Variants in PRKN observed in about 807,000 individuals in gnomAD.
The protein encoded by PRKN is parkin RBR E3 ubiquitin protein ligase.
In PRKN, 56 loss-of-function variants were observed where a neutral mutation model predicts 59.5. The ratio of observed to expected loss-of-function variants is 0.94; its 90% confidence interval spans 0.76 to 1.18. The LOEUF (loss-of-function observed/expected upper bound fraction) is 1.18. PRKN is among the 50% of genes most tolerant of loss of function. The pLI is 0.00. For synonymous variants in PRKN, 250 were observed against 222.1 expected (o/e 1.13, Z -1.12); for missense variants, 657 against 596.4 (o/e 1.10, Z -1.06).
In PRKN at chr6:162,111,535, C is replaced by T. The variant is rs144526800; in HGVS notation, c.535-57361G>A. On this transcript the variant is annotated intron_variant, in intron 4 of 11. Coordinates refer to ENST00000366898, the MANE Select transcript of PRKN (RefSeq NM_004562.3). Reference sequence around the variant, plus strand: ...ACACACGCACACACGGACGTGCACACTCACATACATACACACATGTATCAT... The same window carrying T: ...ACACACGCACACACGGACGTGCACATTCACATACATACACACATGTATCAT... Among the ~76,000 whole-genome samples, 1,291 of 152,254 alleles carry T rather than the reference C, an allele frequency of 8.5e-3. 17 individuals are homozygous for T. Among genetic ancestry groups the T allele is most frequent in the African/African-American group, 0.03 (1,244 of 41,546 alleles).
chr6:162,637,529 G>A (rs994788946), intron 1 of PRKN, among the ~76,000 whole-genome samples: 1 of 152,092 alleles, frequency 6.6e-6, no homozygotes, highest in Non-Finnish European at 1.5e-5. Context: ...TACGGAAGCA[G>A]GGCTCGACTT....
At chr6:161,894,843 A>C (rs922402373) in intron 6 of PRKN, among the ~76,000 whole-genome samples, 1 of 152,220 alleles carries the variant, frequency 6.6e-6, no homozygotes, top group South Asian at 2.1e-4. Context: ...AATGTGGTCC[A>C]TCATTTATAA....
At chr6:161,531,126 A>T (rs1779192308) in intron 9 of PRKN, among the ~76,000 whole-genome samples, 1 of 152,070 alleles carries the variant, frequency 6.6e-6, no homozygotes. Flanking sequence ...TCACGCCTGT[A>T]ATCCCAGCAT....
At chr6:161,474,949 G>A (rs1790992990) in intron 9 of PRKN, among the ~76,000 whole-genome samples, 1 of 151,184 alleles carries the variant, frequency 6.6e-6, no homozygotes, top group Non-Finnish European at 1.5e-5. Flanking sequence ...TCTGTCACCA[G>A]ACTGGAGTGC....
chr6:162,418,628 G>A (rs1382596417), intron 2 of PRKN, among the ~76,000 whole-genome samples: 1 of 149,950 alleles, frequency 6.7e-6, no homozygotes, highest in Non-Finnish European at 1.5e-5. Context: ...GTGTGTGTGT[G>A]TGTGTGTGTG....
chr6:161,580,500 C>T (rs1251564552), intron 7 of PRKN, among the ~76,000 whole-genome samples: 1 of 152,008 alleles, frequency 6.6e-6, no homozygotes, highest in Non-Finnish European at 1.5e-5. Context: ...TTTTTTGACA[C>T]GGAGTCTCGC....
At chr6:162,419,866 T>C (rs1183804997) in intron 2 of PRKN, among the ~76,000 whole-genome samples, 1 of 151,960 alleles carries the variant, frequency 6.6e-6, no homozygotes, top group Non-Finnish European at 1.5e-5. Flanking sequence ...GGGAATATTT[T>C]GCACAACATG....
rs1047197561 is a variant in PRKN, at chr6:161,385,049, C to G, written c.1167+1745G>C. 6.6e-6 allele frequency among the ~76,000 whole-genome samples: 1 copy of G among 152,118 alleles called. No homozygotes were observed. The highest frequency in any genetic ancestry group is 1.5e-5 in the Non-Finnish European group (1 of 68,028). On this transcript the variant is annotated intron_variant, in intron 10 of 11. Transcript: ENST00000366898. This position sits in a 1 kb window ranked among gnomAD's most constrained non-coding sequence, Gnocchi z 4.9. Reference sequence around the variant, plus strand: ...GGTTCAAGCGATTCTCCTGCCTCAGCCTCCTGAATAGCTGGGATTACAGGT... The same window carrying G: ...GGTTCAAGCGATTCTCCTGCCTCAGGCTCCTGAATAGCTGGGATTACAGGT...
At chr6:161,370,938 G>C (rs1247241036) in intron 10 of PRKN, among the ~76,000 whole-genome samples, 1 of 152,192 alleles carries the variant, frequency 6.6e-6, no homozygotes, top group Non-Finnish European at 1.5e-5. Flanking sequence ...GCAGACAGCA[G>C]CCTTCCTGGC....
intron 1 of PRKN, among the ~76,000 whole-genome samples, chr6:162,690,151 T>C (rs1308245088): frequency 6.6e-6 from 1 of 152,260 alleles, no homozygotes; most frequent in Non-Finnish European, 1.5e-5. Flanking sequence ...AGCCTCTGAT[T>C]TCTGAATATC....
intron 6 of PRKN, among the ~76,000 whole-genome samples, chr6:161,854,365 G>A (rs12665316): frequency 0.28 from 43,035 of 151,750 alleles, 7,024 homozygotes; most frequent in South Asian, 0.4. Flanking sequence ...CTGAAAATTC[G>A]AAATGCATAT....
At chr6:162,338,450 T>A (rs375554399) in intron 2 of PRKN, among the ~76,000 whole-genome samples, 17,227 of 152,192 alleles carry the variant, frequency 0.11, 1,103 homozygotes, top group Middle Eastern at 0.18. Flanking sequence ...GACGGGGTTT[T>A]GCTGTGTTGG....
intron 9 of PRKN, among the ~76,000 whole-genome samples, chr6:161,436,543 G>T (rs1426577921): frequency 6.6e-6 from 1 of 151,900 alleles, no homozygotes; most frequent in South Asian, 2.1e-4. Context: ...TTAATGATTT[G>T]TAATGTCCTG....
intron 7 of PRKN, among the ~76,000 whole-genome samples, chr6:161,641,656 T>A (rs558695057): frequency 6.6e-6 from 1 of 152,332 alleles, no homozygotes; most frequent in East Asian, 1.9e-4. Context: ...ATCGGCTCTG[T>A]CTAGGCAATG....
intron 2 of PRKN, among the ~76,000 whole-genome samples, chr6:162,418,661 T>TGTGTGTGCGTGTG (rs1398856017): frequency 1.4e-5 from 2 of 145,658 alleles, no homozygotes; most frequent in Non-Finnish European, 3.0e-5. Context: ...TGCGTGTGTG[T>TGTGTGTGCGTGTG]TGAGGGGGGG....
At position 161,549,079 on chromosome 6, in the gene PRKN, A is replaced by G; in HGVS notation, c.934-76T>C. The stretch of plus-strand genomic sequence containing the variant: ...GCCAAAGGGTTAGGAGCTACAGTGC[A>G]TGGGATTTCTTGCTTAACCAGTTTC... On this transcript the variant is annotated intron_variant, in intron 8 of 11. Transcript: ENST00000366898. This position sits in a 1 kb window ranked among gnomAD's most constrained non-coding sequence, Gnocchi z 6.0. The G allele has an allele frequency of 1.3e-6, 2 of 1,523,938 alleles. No individual in the cohort carries two copies. The highest frequency in any genetic ancestry group is 1.4e-5 in the African/African-American group (1 of 73,166). The allele number at this position is 1,523,938 out of a possible 1,614,324, so 94.4% of individuals were successfully genotyped here.
chr6:162,464,570 C>G (rs919828728), intron 1 of PRKN, among the ~76,000 whole-genome samples: 1 of 149,904 alleles, frequency 6.7e-6, no homozygotes, highest in African/African-American at 2.5e-5. Flanking sequence ...AATCCTAGCA[C>G]TTTGGGAGGC....
At chr6:162,053,233 C>T (rs1777721824) in intron 5 of PRKN, among the ~76,000 whole-genome samples, 1 of 152,186 alleles carries the variant, frequency 6.6e-6, no homozygotes, top group Non-Finnish European at 1.5e-5. Flanking sequence ...AAGCTCCTCT[C>T]ATGATTCTCG....
chr6:162,553,266 G>A (rs1300927493), intron 1 of PRKN, among the ~76,000 whole-genome samples: 6 of 152,064 alleles, frequency 3.9e-5, no homozygotes, highest in African/African-American at 4.8e-5. Flanking sequence ...GAGAAAGGAC[G>A]CTTTTTCTCA....
Sources: allele counts gnomAD v4.1 joint callset (sites outside exome capture counted in the v4.1 genomes callset), GRCh38; gene constraint gnomAD v4.1.1; non-coding constraint Gnocchi (gnomAD v3.1); transcripts MANE v1.5; gene names NCBI Gene and HGNC (gene_info 2026-07-23, HGNC 2026-07-21).